STXBP2: variants seen among roughly 807,000 people sequenced by gnomAD.
STXBP2 encodes syntaxin binding protein 2, also known as syntaxin-binding protein 2.
In STXBP2, 47 loss-of-function variants were observed where a neutral mutation model predicts 72.2. That is an observed-to-expected ratio of 0.65 (90% CI 0.51 to 0.83). The LOEUF (loss-of-function observed/expected upper bound fraction) is 0.83, where lower values mean the gene tolerates loss of function less well. Ranked by LOEUF, STXBP2 falls within the 40% of genes least tolerant of loss-of-function variation. STXBP2 has a pLI of 0.00. For synonymous variants in STXBP2, 367 were observed against 338.7 expected, an observed-to-expected ratio of 1.08 and a Z score of -0.92; for missense variants, 702 against 807.6, an observed-to-expected ratio of 0.87 and a Z score of 1.58.
In STXBP2 at chr19:7,645,191, C is replaced by T; in HGVS notation, c.1247-6C>T. 6.4e-7 allele frequency: 1 copy of T among 1,557,132 alleles called. No homozygotes were observed. The highest frequency in any genetic ancestry group is 8.7e-7 in the Non-Finnish European group (1 of 1,149,554). ...CGCCTCCACCCTGCCCATTCCCGTC[C>T]CCCAGGTGTGAGTGAGGAGAACCTG... On this transcript the variant is annotated splice_region_variant and splice_polypyrimidine_tract_variant and intron_variant, in intron 14 of 18. Transcript: ENST00000221283.
chr19:7,636,865 T>C, upstream of STXBP2: 2 of 371,748 alleles, frequency 5.4e-6, no homozygotes, highest in Middle Eastern at 6.9e-4. Context: ...GCGATCCTGC[T>C]TCGCACGCAA....
chr19:7,630,932 A>G, the STXBP2 span: 3 of 1,486,620 alleles, frequency 2.0e-6, no homozygotes, highest in Non-Finnish European at 2.7e-6. Context: ...ATTTTAGGCC[A>G]GGCGCAGTGG....
Sources: allele counts gnomAD v4.1 joint callset, GRCh38; gene constraint gnomAD v4.1.1; transcripts MANE v1.5; gene names NCBI Gene and HGNC (gene_info 2026-07-23, HGNC 2026-07-21).